Variants in TSHZ3 observed in about 807,000 individuals in gnomAD.
The protein encoded by TSHZ3 is teashirt zinc finger homeobox 3, also known as teashirt homolog 3.
A neutral mutation model predicts 64.5 loss-of-function variants in TSHZ3; 10 were observed. That is an observed-to-expected ratio of 0.16 (90% CI 0.10 to 0.26). The LOEUF is 0.26. Ranked by LOEUF, TSHZ3 falls within the 10% of genes least tolerant of loss-of-function variation. The pLI, the probability that TSHZ3 is intolerant of heterozygous loss-of-function variation, is 1.00. For missense variants in TSHZ3, 1,242 were observed against 1,421.7 expected, an observed-to-expected ratio of 0.87 and a Z score of 2.03; for synonymous variants, 608 against 593.1, an observed-to-expected ratio of 1.03 and a Z score of -0.36.
intron 5 of TSHZ3, among the ~76,000 whole-genome samples, chr19:31,161,376 A>C (rs1263066367): frequency 6.6e-6 from 1 of 152,224 alleles, no homozygotes; most frequent in Non-Finnish European, 1.5e-5. Context: ...AACATATTTT[A>C]GACAAATAAA....
chr19:31,256,209 C>T (rs1227499322), intron 1 of TSHZ3, among the ~76,000 whole-genome samples: 1 of 152,166 alleles, frequency 6.6e-6, no homozygotes. Flanking sequence ...GAGGAATCCA[C>T]TCAGGGCCTG....
In TSHZ3 at chr19:31,278,038, C is replaced by T. The variant is rs760040176; in HGVS notation, c.1755G>A (p.Pro585=). The change falls in exon 2 of 2, where the codon CCG becomes CCA. Residue 585 remains proline (P), a synonymous_variant. Coordinates refer to ENST00000240587, the MANE Select transcript of TSHZ3 (RefSeq NM_020856.4). The surrounding 1 kb of genome is among the most constrained non-coding windows in gnomAD (Gnocchi z 4.7). ...PMFGNSEIVS[P]TKNQTLVSPP... is the part of the protein sequence containing the mutation. ...GAGAGACCAGGGTCTGGTTTTTCGT[C>T]GGGGAGACAATCTCACTGTTGCCAA... 8.7e-6 allele frequency: 14 copies of T among 1,612,954 alleles called. No individual in the cohort carries two copies. Among genetic ancestry groups the T allele is most frequent in the African/African-American group, 4.0e-5 (3 of 74,904 alleles).
chr19:31,263,423 C>T (rs1039044251), intron 1 of TSHZ3, among the ~76,000 whole-genome samples: 4 of 141,664 alleles, frequency 2.8e-5, no homozygotes, highest in African/African-American at 9.7e-5. Flanking sequence ...TTCATAACCT[C>T]GCCACCCGCT....
intron 5 of TSHZ3, among the ~76,000 whole-genome samples, chr19:31,170,728 T>C (rs1428663601): frequency 1.3e-5 from 2 of 152,238 alleles, no homozygotes. Flanking sequence ...GGCCCTGTTG[T>C]CTATTAATTG....
intron 5 of TSHZ3, among the ~76,000 whole-genome samples, chr19:31,162,949 A>G (rs1174729324): frequency 6.6e-6 from 1 of 152,140 alleles, no homozygotes; most frequent in Non-Finnish European, 1.5e-5. Context: ...TATGTGCCCC[A>G]CTGAATCACA....
At chr19:31,227,565 G>C (rs891950828) in intron 4 of TSHZ3, among the ~76,000 whole-genome samples, 4 of 152,152 alleles carry the variant, frequency 2.6e-5, no homozygotes, top group African/African-American at 9.7e-5. Flanking sequence ...GCAACAGAAG[G>C]GGGAAGAAAG....
intron 1 of TSHZ3, among the ~76,000 whole-genome samples, chr19:31,344,364 T>G (rs1000059824): frequency 6.6e-6 from 1 of 152,126 alleles, no homozygotes; most frequent in African/African-American, 2.4e-5. Context: ...CACAGAAGGG[T>G]AGACACACAC....
At chr19:31,311,284 T>A (rs193256442) in intron 1 of TSHZ3, among the ~76,000 whole-genome samples, 1 of 152,344 alleles carries the variant, frequency 6.6e-6, no homozygotes, top group East Asian at 1.9e-4. Context: ...TGTGGATTTA[T>A]TCATCAGCAC....
intron 1 of TSHZ3, among the ~76,000 whole-genome samples, chr19:31,266,950 G>A (rs912524717): frequency 5.9e-5 from 9 of 152,254 alleles, no homozygotes; most frequent in Admixed American, 1.3e-4. Flanking sequence ...AGTACACCTC[G>A]GGCCCTGTCC....
At chr19:31,157,362 TA>T (rs1488991437) in intron 5 of TSHZ3, among the ~76,000 whole-genome samples, 5 of 152,240 alleles carry the variant, frequency 3.3e-5, no homozygotes, top group African/African-American at 1.2e-4. Flanking sequence ...CTGTGTTTGT[TA>T]ATAAAGTTGT....
intron 1 of TSHZ3, among the ~76,000 whole-genome samples, chr19:31,309,971 A>G (rs1229728980): frequency 6.6e-6 from 1 of 152,138 alleles, no homozygotes; most frequent in Non-Finnish European, 1.5e-5. Flanking sequence ...CACTGGCTTG[A>G]GCAGGTGCTT....
chr19:31,320,472 C>T (rs566355824), intron 1 of TSHZ3, among the ~76,000 whole-genome samples: 6 of 152,234 alleles, frequency 3.9e-5, no homozygotes, highest in South Asian at 2.1e-4. Flanking sequence ...CTTTCTGAGA[C>T]GTGACACCTG....
chr19:31,151,505 C>G (rs368941950), exon 7 of TSHZ3, among the ~76,000 whole-genome samples: 2 of 152,268 alleles, frequency 1.3e-5, no homozygotes, highest in Non-Finnish European at 1.5e-5. Context: ...ATTGTTTAAA[C>G]GTTGTACACA....
chr19:31,307,844 C>T (rs913053082), intron 1 of TSHZ3, among the ~76,000 whole-genome samples: 2 of 152,148 alleles, frequency 1.3e-5, no homozygotes, highest in African/African-American at 4.8e-5. Context: ...CCATTACCTG[C>T]CATTCATCTT....
chr19:31,222,871 G>C (rs554106009), intron 4 of TSHZ3, among the ~76,000 whole-genome samples: 1 of 152,070 alleles, frequency 6.6e-6, no homozygotes, highest in African/African-American at 2.4e-5. Flanking sequence ...ACTTCAGAGG[G>C]TTAGAAATGA....
At chr19:31,299,384 A>G (rs1976717649) in intron 1 of TSHZ3, among the ~76,000 whole-genome samples, 2 of 152,254 alleles carry the variant, frequency 1.3e-5, no homozygotes, top group Admixed American at 6.5e-5. Flanking sequence ...GACACAAACT[A>G]TGCAAGGTAG....
chr19:31,168,329 T>G (rs1268079222), intron 5 of TSHZ3, among the ~76,000 whole-genome samples: 1 of 152,138 alleles, frequency 6.6e-6, no homozygotes, highest in Non-Finnish European at 1.5e-5. Flanking sequence ...ATGGGAAATA[T>G]CCTCTTTTTT....
chr19:31,264,628 C>T (rs1390389054), intron 1 of TSHZ3, among the ~76,000 whole-genome samples: 3 of 152,110 alleles, frequency 2.0e-5, no homozygotes, highest in Non-Finnish European at 2.9e-5. Context: ...ATGTGGCATC[C>T]GGAGATGCCA....
At chr19:31,197,316 A>G (rs1975006943) in intron 5 of TSHZ3, among the ~76,000 whole-genome samples, 1 of 151,940 alleles carries the variant, frequency 6.6e-6, no homozygotes, top group South Asian at 2.1e-4. Context: ...CAGTGCTTAC[A>G]GGGGAATTTA....
Sources: gnomAD v4.1 joint callset for allele counts (sites outside exome capture counted in the v4.1 genomes callset) on GRCh38, gnomAD v4.1.1 for gene constraint, Gnocchi (gnomAD v3.1) non-coding constraint, MANE v1.5 for transcripts, NCBI Gene and HGNC (gene_info 2026-07-23, HGNC 2026-07-21) for gene names.